PDE6B: variants seen among roughly 807,000 people sequenced by gnomAD.
PDE6B encodes rod cGMP-specific 3',5'-cyclic phosphodiesterase subunit beta.
Under a neutral mutation model 109.0 loss-of-function variants are expected in PDE6B, and 106 were observed. The observed-to-expected ratio is 0.97, with a 90% confidence interval of 0.83 to 1.14. The LOEUF (loss-of-function observed/expected upper bound fraction) is 1.14, where lower values mean the gene tolerates loss of function less well. Among genes scored for constraint, PDE6B ranks in the 50% most tolerant of loss-of-function variants. The pLI, the probability that PDE6B is intolerant of heterozygous loss-of-function variation, is 0.00. For missense variants in PDE6B, 1,193 were observed against 1,155.6 expected (o/e 1.03, Z -0.47); for synonymous variants, 490 against 471.3 (o/e 1.04, Z -0.51).
At position 648,238 on chromosome 4, in the gene PDE6B, C is replaced by T. The variant is rs75188918; in HGVS notation, c.712-5614C>T. On this transcript the variant is annotated intron_variant, in intron 3 of 21. Coordinates refer to ENST00000496514, the MANE Select transcript of PDE6B (RefSeq NM_000283.4). The surrounding 1 kb of genome is among the most constrained non-coding windows in gnomAD (Gnocchi z 4.5). ...GGCATGTGGAGACCAGCTCAAGGTT[C>T]TAACACGTGACCTTGTGTCTCCATG... is the stretch of plus-strand genomic sequence containing the variant. Among the ~76,000 whole-genome samples the T allele has an allele frequency of 0.011, 1,674 of 152,144 alleles. 46 individuals are homozygous for T. The highest frequency in any genetic ancestry group is 0.038 in the African/African-American group (1,564 of 41,394).
chr4:656,087 C>T lies in PDE6B; in HGVS notation c.1059+81C>T, dbSNP rs28630797. ...TGTGTGCTTCTCCTTGTCTCTGCCACGTCCCGCCCTCCCGGCCAGCTCCAC... is the reference window on the plus strand; with the variant it reads ...TGTGTGCTTCTCCTTGTCTCTGCCATGTCCCGCCCTCCCGGCCAGCTCCAC... On this transcript the variant is annotated intron_variant, in intron 7 of 21. Transcript: ENST00000496514. 0.16 allele frequency: 167,048 copies of T among 1,062,158 alleles called. 15,133 individuals carry two copies. The highest frequency in any genetic ancestry group is 0.33 in the African/African-American group (21,173 of 63,962). The allele number at this position is 1,062,158 out of a possible 1,614,324, so 65.8% of individuals were successfully genotyped here.
rs571287351 is a variant in PDE6B at position 663,596 on chromosome 4, G to C, written c.1921-174G>C. 1.5e-6 allele frequency: 1 copy of C among 650,680 alleles called. No homozygotes were observed. Among genetic ancestry groups the C allele is most frequent in the East Asian group, 2.7e-5 (1 of 36,788 alleles). 40.3% of individuals were successfully genotyped at this position (650,680 alleles called of 1,614,324 possible). On this transcript the variant is annotated intron_variant, in intron 15 of 21. Coordinates refer to ENST00000496514, the MANE Select transcript of PDE6B (RefSeq NM_000283.4). This position sits in a 1 kb window ranked among gnomAD's most constrained non-coding sequence, Gnocchi z 4.0. ...CCGACGATGGAGCCGCTGGTGGAGAGCTGGGCACCCTGAGGAGGGCCCTGA... is the reference window on the plus strand; with the variant it reads ...CCGACGATGGAGCCGCTGGTGGAGACCTGGGCACCCTGAGGAGGGCCCTGA...
At position 664,865 on chromosome 4, in the gene PDE6B, C is replaced by T. The variant is rs377216301; in HGVS notation, c.2130-16C>T. ...GGAGACGCCCATCAGCACTCGTGCC[C>T]GGTTTGTGTCTGCAGGGCCATGATG... On this transcript the variant is annotated splice_polypyrimidine_tract_variant and intron_variant, in intron 17 of 21. Transcript: ENST00000496514. The T allele has an allele frequency of 1.4e-5, 22 of 1,610,894 alleles. No homozygotes were observed. The highest frequency in any genetic ancestry group is 1.6e-4 in the Middle Eastern group (1 of 6,068).
At position 656,880 on chromosome 4, in the gene PDE6B, G is replaced by A. The variant is rs369775273; in HGVS notation, c.1114G>A (p.Ala372Thr). 6.2e-6 allele frequency: 10 copies of A among 1,612,648 alleles called. No individual in the cohort carries two copies. The African/African-American group carries it at 6.7e-5, about 11-fold the overall frequency. ...ADEMFKFQEG[A>T]LDDSGWLIKN... ...CTGGACACCGCTCCCGCAGGAAGGG[G>A]CCCTGGACGACTCCGGGTGGCTCAT... is the stretch of plus-strand genomic sequence containing the variant. Residue 372 changes from alanine (A) to threonine (T), a missense_variant, in exon 9 of 22, where the codon GCC becomes ACC. Ala to Thr is a moderately conservative substitution (Grantham distance 58, BLOSUM62 0). Transcript: ENST00000496514.
At position 648,450 on chromosome 4, in the gene PDE6B, A is replaced by G. The variant is rs1735318403; in HGVS notation, c.712-5402A>G. Among the ~76,000 whole-genome samples the G allele has an allele frequency of 6.6e-6, 1 of 150,490 alleles. No homozygotes were observed. The highest frequency in any genetic ancestry group is 2.1e-4 in the South Asian group (1 of 4,796). On this transcript the variant is annotated intron_variant, in intron 3 of 21. Transcript: ENST00000496514. This position sits in a 1 kb window ranked among gnomAD's most constrained non-coding sequence, Gnocchi z 4.5. ...CCCCCGCAGTCCGCCCAACGCCTGC[A>G]CTTCGTCTGCCTCCTCCTTGAGCTG...
At chr4:642,743 A>AAAAAAAAG (rs1735007830) in intron 3 of PDE6B, among the ~76,000 whole-genome samples, 1 of 151,470 alleles carries the variant, frequency 6.6e-6, no homozygotes, top group African/African-American at 2.4e-5. Flanking sequence ...AAAAAAAAAA[A>AAAAAAAAG]AAAAAAAGAA....
Position 648,121 on chromosome 4 carries a change from G to T in PDE6B, c.712-5731G>T, listed in dbSNP as rs1370431909. On this transcript the variant is annotated intron_variant, in intron 3 of 21. Transcript: ENST00000496514. The surrounding 1 kb of genome is among the most constrained non-coding windows in gnomAD (Gnocchi z 4.5). Reference sequence around the variant, plus strand: ...AGCCAAGAGTCAGGCGTATTTGCCCGTTCTGTTGTCTGGTCACCCCAGCCC... The same window carrying T: ...AGCCAAGAGTCAGGCGTATTTGCCCTTTCTGTTGTCTGGTCACCCCAGCCC... Among the ~76,000 whole-genome samples the T allele has an allele frequency of 1.3e-5, 2 of 151,736 alleles. No individual in the cohort carries two copies. The highest frequency in any genetic ancestry group is 2.9e-5 in the Non-Finnish European group (2 of 68,006).
At chr4:645,587 G>A (rs1310123143) in intron 3 of PDE6B, among the ~76,000 whole-genome samples, 5 of 151,934 alleles carry the variant, frequency 3.3e-5, no homozygotes, top group Non-Finnish European at 5.9e-5. Flanking sequence ...GAGCCACCGC[G>A]CCCGGCCAGG....
Position 666,390 on chromosome 4 carries a change from G to C in PDE6B, c.2269-141G>C. The C allele has an allele frequency of 4.4e-6, 3 of 687,674 alleles. No homozygotes were observed. The Admixed American group carries it at 6.0e-5, about 14-fold the overall frequency. The allele number at this position is 687,674 out of a possible 1,614,324, so 42.6% of individuals were successfully genotyped here. On this transcript the variant is annotated intron_variant, in intron 19 of 21. Transcript: ENST00000496514. The surrounding 1 kb of genome is among the most constrained non-coding windows in gnomAD (Gnocchi z 5.6). Reference sequence around the variant, plus strand: ...GGAGAGGGTGTCAGCTTCCCCTCCCGAGAGCCAGTTTCTGTCAGGCAGGCT... The same window carrying C: ...GGAGAGGGTGTCAGCTTCCCCTCCCCAGAGCCAGTTTCTGTCAGGCAGGCT...
intron 1 of PDE6B, among the ~76,000 whole-genome samples, chr4:631,376 G>A (rs1253125713): frequency 6.6e-6 from 1 of 152,210 alleles, no homozygotes; most frequent in African/African-American, 2.4e-5. Flanking sequence ...GTGACTATGG[G>A]GCACCATCTG....
chr4:659,979 G>C (rs908055804), intron 11 of PDE6B, among the ~76,000 whole-genome samples: 1 of 152,124 alleles, frequency 6.6e-6, no homozygotes, highest in South Asian at 2.1e-4. Flanking sequence ...GTCCACTGTT[G>C]TGTGTGTTAC....
Position 654,758 on chromosome 4 carries a change from T to A in PDE6B, c.928-66T>A, listed in dbSNP as rs1736002102. 7.1e-6 allele frequency: 6 copies of A among 851,014 alleles called. No homozygotes were observed. In the South Asian group the frequency reaches 7.9e-5, roughly 11 times the overall value. The allele number at this position is 851,014 out of a possible 1,614,324, so 52.7% of individuals were successfully genotyped here. On this transcript the variant is annotated intron_variant, in intron 5 of 21. Coordinates refer to ENST00000496514, the MANE Select transcript of PDE6B (RefSeq NM_000283.4). ...CTGTGTGTAGCTGCATGTAGCTGTG[T>A]GTGTGTGTGTGAGCCCCTCAGAGCT...
At chr4:653,026 TA>T in intron 3 of PDE6B, 1 of 234,422 alleles carries the variant, frequency 4.3e-6, no homozygotes, top group Non-Finnish European at 7.0e-6. Context: ...GAAGATAAAC[TA>T]AAATCAGTAA....
rs111679415 is a variant in PDE6B at position 648,076 on chromosome 4, G to GA, written c.712-5766dup. Among the ~76,000 whole-genome samples the GA allele has an allele frequency of 0.025, 3,623 of 147,380 alleles. 183 individuals are homozygous for GA. Among genetic ancestry groups the GA allele is most frequent in the African/African-American group, 0.087 (3,468 of 40,010 alleles). On this transcript the variant is annotated intron_variant, in intron 3 of 21. Transcript: ENST00000496514. This position sits in a 1 kb window ranked among gnomAD's most constrained non-coding sequence, Gnocchi z 4.5. ...GGCAACAAGAGCAAAACTCCATCTC[G>GA]AAAAAAAAAAGAAAGAAAGAGCCAA...
chr4:659,329 C>T (rs1004087895), intron 11 of PDE6B, among the ~76,000 whole-genome samples: 7 of 152,150 alleles, frequency 4.6e-5, no homozygotes, highest in South Asian at 2.1e-4. Flanking sequence ...TAGTTTTCAC[C>T]GGATGTTTAG....
intron 1 of PDE6B, among the ~76,000 whole-genome samples, chr4:632,228 T>G (rs1457722849): frequency 2.6e-5 from 4 of 151,664 alleles, no homozygotes; most frequent in African/African-American, 9.7e-5. Flanking sequence ...CCATGTGGTA[T>G]CAGCTGAGAG....
intron 11 of PDE6B, 140 bp downstream of exon 11, chr4:659,157 GTATC>G (rs1490719642): frequency 4.2e-6 from 3 of 711,694 alleles, no homozygotes; most frequent in Admixed American, 4.0e-5. Flanking sequence ...GTATACTTGT[GTATC>G]TAAGCACCTT....
chr4:626,016 C>G lies in PDE6B; in HGVS notation c.390C>G (p.Ile130Met). 6.3e-7 allele frequency: 1 copy of G among 1,592,294 alleles called. No homozygotes were observed. Among genetic ancestry groups the G allele is most frequent in the Non-Finnish European group, 8.5e-7 (1 of 1,170,156 alleles). Reference sequence around the variant, plus strand: ...GCCTGGTGCCCCCCGACTCCGAGATCGTCTTCCCACTGGACATCGGGGTCG... The same window carrying G: ...GCCTGGTGCCCCCCGACTCCGAGATGGTCTTCCCACTGGACATCGGGGTCG... ...EDCLVPPDSE[I>M]VFPLDIGVVG... The change falls in exon 1 of 22, where the codon ATC becomes ATG. Residue 130 changes from isoleucine to methionine, a missense_variant. Coordinates refer to ENST00000496514, the MANE Select transcript of PDE6B (RefSeq NM_000283.4). This position sits in a 1 kb window ranked among gnomAD's most constrained non-coding sequence, Gnocchi z 4.6.
intron 3 of PDE6B, among the ~76,000 whole-genome samples, chr4:649,646 G>A (rs1427151792): frequency 6.7e-6 from 1 of 149,138 alleles, no homozygotes; most frequent in East Asian, 1.9e-4. Flanking sequence ...GACCCACAGA[G>A]GCCTGGGAAG....
Sources: gnomAD v4.1 joint callset for allele counts (sites outside exome capture counted in the v4.1 genomes callset) on GRCh38, gnomAD v4.1.1 for gene constraint, Gnocchi (gnomAD v3.1) non-coding constraint, MANE v1.5 for transcripts, NCBI Gene and HGNC (gene_info 2026-07-23, HGNC 2026-07-21) for gene names.